Variants in GALNT13 observed in about 807,000 individuals in gnomAD.
GALNT13 encodes UDP-GalNAc:polypeptide N-acetylgalactosaminyltransferase 13.
In GALNT13, 28 loss-of-function variants were observed where a neutral mutation model predicts 64.2. The ratio of observed to expected loss-of-function variants is 0.44; its 90% confidence interval spans 0.32 to 0.60. GALNT13 has a LOEUF of 0.60. GALNT13 is among the 20% of genes least tolerant of loss of function. GALNT13 has a pLI of 0.05. For synonymous variants in GALNT13, 214 were observed against 224.6 expected (o/e 0.95, Z 0.42); for missense variants, 577 against 669.8 (o/e 0.86, Z 1.53).
chr2:153,723,788 C>A, the GALNT13 span, among the ~76,000 whole-genome samples: 8 of 151,004 alleles, frequency 5.3e-5, no homozygotes, highest in Non-Finnish European at 1.0e-4. Context: ...CAAACCACTG[C>A]TCAAGGAAAT....
intron 4 of GALNT13, among the ~76,000 whole-genome samples, chr2:154,184,355 T>G (rs1686134117): frequency 6.6e-6 from 1 of 152,048 alleles, no homozygotes; most frequent in Non-Finnish European, 1.5e-5. Context: ...TGACTCTCTG[T>G]GTTTTGATTG....
the GALNT13 span, among the ~76,000 whole-genome samples, chr2:153,710,245 C>A: frequency 2.0e-5 from 3 of 151,948 alleles, no homozygotes; most frequent in African/African-American, 7.2e-5. Context: ...CCTAAGAAAT[C>A]CATACAACCA....
At chr2:154,148,604 T>G (rs1683770916) in intron 4 of GALNT13, among the ~76,000 whole-genome samples, 1 of 152,034 alleles carries the variant, frequency 6.6e-6, no homozygotes, top group Non-Finnish European at 1.5e-5. Context: ...CCTGACTTTT[T>G]AATGATTGCC....
At chr2:153,146,762 G>C in the GALNT13 span, among the ~76,000 whole-genome samples, 2 of 151,852 alleles carry the variant, frequency 1.3e-5, no homozygotes, top group Admixed American at 1.3e-4. Context: ...GAGCCTAGAT[G>C]GCCAGTCCAC....
chr2:153,981,635 G>T (rs1329835407), intron 3 of GALNT13, among the ~76,000 whole-genome samples: 2 of 152,206 alleles, frequency 1.3e-5, no homozygotes, highest in Non-Finnish European at 2.9e-5. Context: ...CATTCGGGTT[G>T]TTTCCAAGTC....
the GALNT13 span, among the ~76,000 whole-genome samples, chr2:153,688,991 GGTGTGTGTGTGTGTGTGTGT>G: frequency 1.1e-4 from 14 of 130,156 alleles, no homozygotes; most frequent in African/African-American, 3.6e-4. Flanking sequence ...TAGAGGTAGG[GGTGTGTGTGTGTGTGTGTGT>G]GTGTGTGTGT....
At chr2:153,822,122 C>T in the GALNT13 span, among the ~76,000 whole-genome samples, 1 of 152,028 alleles carries the variant, frequency 6.6e-6, no homozygotes, top group South Asian at 2.1e-4. Flanking sequence ...AGCTCTGGAC[C>T]AGATGGATTC....
the GALNT13 span, among the ~76,000 whole-genome samples, chr2:153,118,550 G>C: frequency 6.6e-6 from 1 of 151,994 alleles, no homozygotes; most frequent in Non-Finnish European, 1.5e-5. Flanking sequence ...TTTTTTACTA[G>C]GCTGTGGATA....
chr2:154,428,273 G>T (rs1700554961), intron 11 of GALNT13, among the ~76,000 whole-genome samples: 1 of 152,158 alleles, frequency 6.6e-6, no homozygotes, highest in Non-Finnish European at 1.5e-5. Flanking sequence ...AAGCAGCTCG[G>T]ACATATTGGG....
chr2:153,670,686 T>C, the GALNT13 span, among the ~76,000 whole-genome samples: 2 of 152,118 alleles, frequency 1.3e-5, no homozygotes, highest in African/African-American at 4.8e-5. Flanking sequence ...AGGATGAAAC[T>C]GGATGGAGAA....
chr2:154,110,602 A>G (rs539055635), intron 3 of GALNT13, among the ~76,000 whole-genome samples: 1 of 151,726 alleles, frequency 6.6e-6, no homozygotes, highest in Admixed American at 6.6e-5. Flanking sequence ...GTCTTTTGAC[A>G]TTTTTCTGCT....
At chr2:153,078,554 G>T in the GALNT13 span, among the ~76,000 whole-genome samples, 2 of 151,694 alleles carry the variant, frequency 1.3e-5, no homozygotes, top group Admixed American at 1.3e-4. Context: ...CAGATGATCC[G>T]CCCACCTCGG....
chr2:153,965,127 A>G (rs1254581033), intron 3 of GALNT13, among the ~76,000 whole-genome samples: 2 of 152,196 alleles, frequency 1.3e-5, no homozygotes, highest in Non-Finnish European at 2.9e-5. Context: ...ATACAAGCAT[A>G]CAATGTTTAA....
chr2:153,145,909 A>G, the GALNT13 span, among the ~76,000 whole-genome samples: 4 of 151,892 alleles, frequency 2.6e-5, no homozygotes, highest in Non-Finnish European at 5.9e-5. Flanking sequence ...CATAATAAAC[A>G]TAGCAGGAAG....
At chr2:153,180,927 G>A in the GALNT13 span, among the ~76,000 whole-genome samples, 69 of 150,130 alleles carry the variant, frequency 4.6e-4, no homozygotes, top group Middle Eastern at 3.4e-3. Flanking sequence ...TCGAGCTAAA[G>A]GTTTATTAAT....
the GALNT13 span, among the ~76,000 whole-genome samples, chr2:153,508,032 T>G: frequency 6.6e-6 from 1 of 152,150 alleles, no homozygotes; most frequent in Non-Finnish European, 1.5e-5. Context: ...TGCCTTCAGA[T>G]CTTTCAGCCA....
the GALNT13 span, among the ~76,000 whole-genome samples, chr2:153,704,724 A>G: frequency 6.6e-6 from 1 of 152,312 alleles, no homozygotes; most frequent in East Asian, 1.9e-4. Flanking sequence ...CCCATGACTT[A>G]TTTCCAATCA....
intron 9 of GALNT13, among the ~76,000 whole-genome samples, chr2:154,349,285 T>C (rs1426739493): frequency 6.6e-6 from 1 of 152,208 alleles, no homozygotes; most frequent in African/African-American, 2.4e-5. Flanking sequence ...AATTTTCCTA[T>C]CCATGAAATG....
intron 3 of GALNT13, among the ~76,000 whole-genome samples, chr2:154,075,123 G>A (rs982391176): frequency 6.6e-6 from 1 of 151,762 alleles, no homozygotes; most frequent in Admixed American, 6.6e-5. Context: ...TCTCTTCATG[G>A]ATGAAATGAG....
Sources: allele counts gnomAD v4.1 joint callset (sites outside exome capture counted in the v4.1 genomes callset), GRCh38; gene constraint gnomAD v4.1.1; transcripts MANE v1.5; gene names NCBI Gene and HGNC (gene_info 2026-07-23, HGNC 2026-07-21).